Variants in STPG2 observed in about 807,000 individuals in gnomAD.
STPG2 encodes sperm-tail PG-rich repeat-containing protein 2.
A neutral mutation model predicts 54.2 loss-of-function variants in STPG2; 56 were observed. That is an observed-to-expected ratio of 1.03 (90% confidence interval 0.83 to 1.29). STPG2 has a LOEUF of 1.29. Among genes scored for constraint, STPG2 ranks in the 50% most tolerant of loss-of-function variants. The probability of loss-of-function intolerance (pLI) is 0.00; values close to 1 mark genes in which losing one functional copy is unlikely to be tolerated. For missense variants in STPG2, 596 were observed against 544.9 expected, an observed-to-expected ratio of 1.09 and a Z score of -0.93; for synonymous variants, 200 against 181.8, an observed-to-expected ratio of 1.10 and a Z score of -0.81.
intron 5 of STPG2, among the ~76,000 whole-genome samples, chr4:98,019,076 G>C (rs986255169): frequency 5.9e-5 from 9 of 151,958 alleles, no homozygotes; most frequent in African/African-American, 2.2e-4. Flanking sequence ...TGGTGTTTTA[G>C]ACATGAAGTC....
intron 7 of STPG2, among the ~76,000 whole-genome samples, chr4:97,968,467 G>T (rs749980917): frequency 2.0e-5 from 3 of 152,088 alleles, no homozygotes; most frequent in Non-Finnish European, 2.9e-5. Flanking sequence ...ACCAAAGCCT[G>T]GCAGAGACAC....
At chr4:97,819,606 CATTT>C (rs1193962015) in intron 9 of STPG2, among the ~76,000 whole-genome samples, 1 of 152,050 alleles carries the variant, frequency 6.6e-6, no homozygotes, top group Admixed American at 6.6e-5. Flanking sequence ...GTCTATCATT[CATTT>C]AAATATTTGG....
intron 4 of STPG2, among the ~76,000 whole-genome samples, chr4:97,524,382 T>A (rs1408071990): frequency 6.6e-6 from 1 of 151,930 alleles, no homozygotes; most frequent in Non-Finnish European, 1.5e-5. Flanking sequence ...GTACAAATAT[T>A]TATAGTGCTA....
intron 9 of STPG2, among the ~76,000 whole-genome samples, chr4:97,827,236 CT>C (rs34545198): frequency 0.012 from 1,545 of 129,870 alleles, 16 homozygotes; most frequent in African/African-American, 0.033. Flanking sequence ...CTATAGACAG[CT>C]TTTTTTTTTT....
At chr4:98,078,743 A>T (rs1352828604) in intron 5 of STPG2, among the ~76,000 whole-genome samples, 1 of 152,206 alleles carries the variant, frequency 6.6e-6, no homozygotes, top group African/African-American at 2.4e-5. Context: ...ATCTTTCAAA[A>T]GATATAATTC....
At chr4:97,767,422 G>A (rs1000589716) in intron 9 of STPG2, among the ~76,000 whole-genome samples, 2 of 152,048 alleles carry the variant, frequency 1.3e-5, no homozygotes, top group Admixed American at 1.3e-4. Context: ...ATAATACAGA[G>A]AGTCTGAATC....
At chr4:97,621,606 CA>C (rs1369864242) in intron 10 of STPG2, among the ~76,000 whole-genome samples, 1 of 152,042 alleles carries the variant, frequency 6.6e-6, no homozygotes, top group Non-Finnish European at 1.5e-5. Flanking sequence ...AACAGACCAA[CA>C]GTGAGTTCCA....
intron 5 of STPG2, among the ~76,000 whole-genome samples, chr4:98,059,257 A>C (rs1299079393): frequency 6.6e-6 from 1 of 152,082 alleles, no homozygotes; most frequent in Non-Finnish European, 1.5e-5. Context: ...GAGACGGATA[A>C]ATTTCTGGAC....
chr4:97,614,157 T>C (rs1042429032), intron 10 of STPG2, among the ~76,000 whole-genome samples: 2 of 152,216 alleles, frequency 1.3e-5, no homozygotes, highest in Non-Finnish European at 2.9e-5. Flanking sequence ...ATGAGTTCCA[T>C]AAAGTTAAAC....
rs550502546 is a variant in STPG2, at chr4:97,460,727, CA to C, written c.462+251971del. Among the ~76,000 whole-genome samples, 1,001 of 152,328 alleles carry C rather than the reference CA, an allele frequency of 6.6e-3. 25 individuals are homozygous for C. The highest frequency in any genetic ancestry group is 0.054 in the Middle Eastern group (16 of 294). ...CAAAAACAAAGTATCACCAGTCCTC[CA>C]AAACGCTCTTATGTTCCCACACCCA... is the stretch of plus-strand genomic sequence containing the variant. On this transcript the variant is annotated intron_variant, in intron 4 of 4. Coordinates refer to the STPG2 transcript ENST00000522676.
intron 5 of STPG2, among the ~76,000 whole-genome samples, chr4:98,100,028 T>A (rs1479169008): frequency 4.6e-5 from 7 of 152,152 alleles, no homozygotes; most frequent in African/African-American, 1.7e-4. Context: ...TATACCAATG[T>A]ACCCACAAAA....
intron 6 of STPG2, among the ~76,000 whole-genome samples, chr4:97,973,356 A>G (rs534121959): frequency 6.6e-6 from 1 of 152,346 alleles, no homozygotes; most frequent in African/African-American, 2.4e-5. Context: ...ATCTGGCAGA[A>G]GAAATTTCTA....
intron 10 of STPG2, among the ~76,000 whole-genome samples, chr4:97,695,545 G>A (rs1723541621): frequency 6.6e-6 from 1 of 152,068 alleles, no homozygotes; most frequent in African/African-American, 2.4e-5. Flanking sequence ...TTGGTAAAGA[G>A]GAAGTCAAAT....
intron 10 of STPG2, among the ~76,000 whole-genome samples, chr4:97,681,138 G>A (rs1723020557): frequency 6.6e-6 from 1 of 151,828 alleles, no homozygotes; most frequent in Non-Finnish European, 1.5e-5. Flanking sequence ...GTGAAATACA[G>A]ATGTAAAAAG....
intron 8 of STPG2, among the ~76,000 whole-genome samples, chr4:97,890,852 G>C (rs1315919040): frequency 6.6e-6 from 1 of 151,462 alleles, no homozygotes; most frequent in East Asian, 1.9e-4. Flanking sequence ...CTTATGACAA[G>C]ATATGAAATA....
intron 10 of STPG2, among the ~76,000 whole-genome samples, chr4:97,585,922 A>G (rs549135958): frequency 6.6e-6 from 1 of 152,056 alleles, no homozygotes; most frequent in South Asian, 2.1e-4. Context: ...AAAAAAATAG[A>G]TGAAATGTCT....
intron 8 of STPG2, among the ~76,000 whole-genome samples, chr4:97,872,530 G>C (rs1730027210): frequency 1.3e-5 from 2 of 150,684 alleles, no homozygotes; most frequent in Non-Finnish European, 3.0e-5. Context: ...TAACAACAAA[G>C]AAGATGAAAA....
intron 10 of STPG2, among the ~76,000 whole-genome samples, chr4:97,693,136 T>TAA (rs35469387): frequency 1.0e-3 from 137 of 133,120 alleles, no homozygotes; most frequent in East Asian, 7.4e-3. Context: ...ATAACAATGA[T>TAA]AAAAAAAAAA....
At chr4:97,462,979 TTC>T (rs1275551720) in intron 4 of STPG2, among the ~76,000 whole-genome samples, 4 of 152,144 alleles carry the variant, frequency 2.6e-5, no homozygotes, top group African/African-American at 9.6e-5. Flanking sequence ...GATTATATAT[TTC>T]TTTCTATTCA....
Sources: allele counts gnomAD v4.1 joint callset (sites outside exome capture counted in the v4.1 genomes callset), GRCh38; gene constraint gnomAD v4.1.1; transcripts MANE v1.5; gene names NCBI Gene and HGNC (gene_info 2026-07-23, HGNC 2026-07-21).